Variants in ADGRL3 observed in about 807,000 individuals in gnomAD.
ADGRL3 encodes adhesion G protein-coupled receptor L3, also known as calcium-independent alpha-latrotoxin receptor 3.
In ADGRL3, 62 loss-of-function variants were observed where a neutral mutation model predicts 153.5. The observed-to-expected ratio is 0.40, with a 90% CI of 0.33 to 0.50. ADGRL3 has a LOEUF of 0.50. Ranked by LOEUF, ADGRL3 falls within the 20% of genes least tolerant of loss-of-function variation. The pLI is 0.47. For synonymous variants in ADGRL3, 710 were observed against 672.5 expected, an observed-to-expected ratio of 1.06 and a Z score of -0.86; for missense variants, 1,641 against 1,859.4, an observed-to-expected ratio of 0.88 and a Z score of 2.16.
intron 8 of ADGRL3, chr4:61,775,850 T>G: frequency 2.0e-6 from 1 of 504,394 alleles, no homozygotes; most frequent in Non-Finnish European, 3.6e-6. Context: ...TCCTCGGCCA[T>G]GGCGGTGGGT....
intron 1 of ADGRL3, among the ~76,000 whole-genome samples, chr4:61,220,487 A>AGATGGTGAG (rs1381680394): frequency 6.6e-6 from 1 of 152,200 alleles, no homozygotes; most frequent in East Asian, 1.9e-4. Context: ...TTTCATAGAA[A>AGATGGTGAG]GATGGTGAGA....
At chr4:61,948,321 G>A in intron 17 of ADGRL3, 45 bp downstream of exon 17, 2 of 1,447,356 alleles carry the variant, frequency 1.4e-6, no homozygotes, top group Non-Finnish European at 1.9e-6. Context: ...TATATTATAT[G>A]GTCACTAACT....
intron 17 of ADGRL3, among the ~76,000 whole-genome samples, chr4:61,977,217 C>CT (rs77097620): frequency 0.016 from 2,202 of 135,356 alleles, 49 homozygotes; most frequent in African/African-American, 0.051. Context: ...TTTTCTTGTT[C>CT]TTTTTTTTTT....
In ADGRL3 at chr4:61,823,277, T is replaced by A. The variant is rs752933992; in HGVS notation, c.1480+9388T>A. Reference sequence around the variant, plus strand: ...TTTTTTTGTTCTGAAAAAATATGTTTAATGTCTAAATATCACAAGTTTTGA... The same window carrying A: ...TTTTTTTGTTCTGAAAAAATATGTTAAATGTCTAAATATCACAAGTTTTGA... On this transcript the variant is annotated intron_variant, in intron 9 of 26. Coordinates refer to ENST00000683033, the MANE Select transcript of ADGRL3 (RefSeq NM_001387552.1). Among the ~76,000 whole-genome samples, 85 of 152,334 alleles carry A rather than the reference T, an allele frequency of 5.6e-4. No homozygotes were observed. In the Middle Eastern group the frequency reaches 0.01, roughly 18 times the overall value.
At chr4:61,647,628 A>G (rs2094078030) in intron 5 of ADGRL3, among the ~76,000 whole-genome samples, 1 of 152,154 alleles carries the variant, frequency 6.6e-6, no homozygotes, top group Non-Finnish European at 1.5e-5. Flanking sequence ...TCTGCATAAG[A>G]GCTGATATAA....
At chr4:61,653,401 G>A (rs182364352) in intron 5 of ADGRL3, among the ~76,000 whole-genome samples, 42 of 152,240 alleles carry the variant, frequency 2.8e-4, no homozygotes, top group African/African-American at 9.9e-4. Context: ...AAATATATGC[G>A]TTGTACGCCC....
chr4:61,909,631 T>C lies in ADGRL3; in HGVS notation c.1959T>C (p.Ala653=), dbSNP rs778454323. The change falls in exon 12 of 27, where the codon GCT becomes GCC. Residue 653 remains alanine, a synonymous_variant. Coordinates refer to ENST00000683033, the MANE Select transcript of ADGRL3 (RefSeq NM_001387552.1). Reference sequence around the variant, plus strand: ...AACAGACAAGAAATCACTTGAATGCTGGGGACATCACCTACTCTGTCCGGG... The same window carrying C: ...AACAGACAAGAAATCACTTGAATGCCGGGGACATCACCTACTCTGTCCGGG... The part of the protein sequence containing the change: ...LAEQTRNHLN[A]GDITYSVRAM... The C allele has an allele frequency of 6.2e-7, 1 of 1,613,470 alleles. No homozygotes were observed. Among genetic ancestry groups the C allele is most frequent in the South Asian group, 1.1e-5 (1 of 90,922 alleles).
At chr4:61,907,597 A>G (rs2098702155) in intron 11 of ADGRL3, among the ~76,000 whole-genome samples, 1 of 150,866 alleles carries the variant, frequency 6.6e-6, no homozygotes, top group Non-Finnish European at 1.5e-5. Context: ...TACATGATAT[A>G]TATATGATAT....
chr4:61,894,676 T>G (rs1487248909), intron 10 of ADGRL3, among the ~76,000 whole-genome samples: 2 of 152,228 alleles, frequency 1.3e-5, no homozygotes. Flanking sequence ...CAGGGATTAC[T>G]GTCAATACAC....
intron 25 of ADGRL3, among the ~76,000 whole-genome samples, chr4:62,054,775 A>G (rs1049979397): frequency 4.0e-5 from 6 of 151,714 alleles, no homozygotes; most frequent in African/African-American, 1.4e-4. Flanking sequence ...ACAAATTAAT[A>G]AATGAAATTC....
intron 21 of ADGRL3, among the ~76,000 whole-genome samples, chr4:62,003,068 C>G (rs2151121370): frequency 6.6e-6 from 1 of 152,232 alleles, no homozygotes. Flanking sequence ...AATAACATCT[C>G]AAGTTATTTT....
chr4:61,628,481 G>A (rs1297784359), intron 5 of ADGRL3, among the ~76,000 whole-genome samples: 1 of 127,200 alleles, frequency 7.9e-6, no homozygotes, highest in South Asian at 2.6e-4. Context: ...TTTATAATGT[G>A]GTTTACCCAT....
intron 8 of ADGRL3, among the ~76,000 whole-genome samples, chr4:61,746,958 C>T (rs1027758358): frequency 4.8e-4 from 73 of 151,810 alleles, no homozygotes; most frequent in African/African-American, 1.7e-3. Flanking sequence ...GATAGACTGC[C>T]AGCAAGACTA....
chr4:61,226,119 T>C (rs1747850198), intron 1 of ADGRL3, among the ~76,000 whole-genome samples: 2 of 152,142 alleles, frequency 1.3e-5, no homozygotes, highest in South Asian at 2.1e-4. Context: ...TTAAATTTAA[T>C]TCTCTATTGT....
intron 17 of ADGRL3, among the ~76,000 whole-genome samples, chr4:61,966,718 T>A (rs1010589007): frequency 5.9e-5 from 9 of 152,154 alleles, no homozygotes; most frequent in African/African-American, 2.2e-4. Flanking sequence ...TTAATCATTG[T>A]ATTCAAAGGA....
chr4:61,272,905 G>C (rs143279374), intron 1 of ADGRL3, among the ~76,000 whole-genome samples: 46 of 152,210 alleles, frequency 3.0e-4, no homozygotes, highest in African/African-American at 1.1e-3. Flanking sequence ...GTGGTATTCT[G>C]GAGAGGTGTA....
chr4:61,936,082 G>T, intron 15 of ADGRL3, 37 bp downstream of exon 15: 3 of 1,604,138 alleles, frequency 1.9e-6, no homozygotes, highest in South Asian at 2.2e-5. Context: ...TGAGGGAATT[G>T]AACTTGCATC....
At chr4:61,432,560 TTTTCTTTCTCTTCC>T (rs2097367814) in intron 2 of ADGRL3, among the ~76,000 whole-genome samples, 1 of 33,350 alleles carries the variant, frequency 3.0e-5, no homozygotes, top group Non-Finnish European at 3.7e-4. Flanking sequence ...TATAGATTTC[TTTTCTTTCTCTTCC>T]TTTCTTTCTT....
chr4:61,936,675 ATATG>A (rs559217396), intron 15 of ADGRL3, among the ~76,000 whole-genome samples: 350 of 152,052 alleles, frequency 2.3e-3, no homozygotes, highest in African/African-American at 8.1e-3. Context: ...ATGTGTGTAT[ATATG>A]TATGTATAGA....
Sources: allele counts gnomAD v4.1 joint callset (sites outside exome capture counted in the v4.1 genomes callset), GRCh38; gene constraint gnomAD v4.1.1; transcripts MANE v1.5; gene names NCBI Gene and HGNC (gene_info 2026-07-23, HGNC 2026-07-21).